STPG2: variants seen among roughly 807,000 people sequenced by gnomAD.
The protein encoded by STPG2 is sperm-tail PG-rich repeat-containing protein 2.
In STPG2, 56 loss-of-function variants were observed where a neutral mutation model predicts 54.2. That is an observed-to-expected ratio of 1.03 (90% CI 0.83 to 1.29). STPG2 has a LOEUF of 1.29. Among genes scored for constraint, STPG2 ranks in the 50% most tolerant of loss-of-function variants. STPG2 has a pLI of 0.00. For synonymous variants in STPG2, 200 were observed against 181.8 expected, an observed-to-expected ratio of 1.10 and a Z score of -0.81; for missense variants, 596 against 544.9, an observed-to-expected ratio of 1.09 and a Z score of -0.93.
chr4:97,522,466 CGAAAT>C (rs1440791691), intron 4 of STPG2, among the ~76,000 whole-genome samples: 1 of 151,654 alleles, frequency 6.6e-6, no homozygotes, highest in Non-Finnish European at 1.5e-5. Flanking sequence ...GGAATATGGT[CGAAAT>C]GAAATAATTT....
chr4:97,561,174 T>A (rs1732228147), intron 10 of STPG2, among the ~76,000 whole-genome samples: 1 of 152,068 alleles, frequency 6.6e-6, no homozygotes. Flanking sequence ...CTCATTGTGG[T>A]TTTGATTTGC....
At chr4:97,520,764 AAC>A (rs1731163821) in intron 4 of STPG2, among the ~76,000 whole-genome samples, 1 of 152,046 alleles carries the variant, frequency 6.6e-6, no homozygotes, top group Non-Finnish European at 1.5e-5. Flanking sequence ...ACTCACGAGA[AAC>A]ACAAATATTG....
intron 9 of STPG2, among the ~76,000 whole-genome samples, chr4:97,738,750 C>A (rs1185698340): frequency 2.6e-5 from 4 of 152,032 alleles, no homozygotes; most frequent in Non-Finnish European, 5.9e-5. Context: ...TAGACTCCCA[C>A]ACAATAATAA....
chr4:98,023,887 G>A (rs182533148), intron 5 of STPG2, among the ~76,000 whole-genome samples: 3,177 of 152,224 alleles, frequency 0.021, 41 homozygotes, highest in South Asian at 0.064. Context: ...TTGGAAAAGC[G>A]CAGTATTAGG....
At chr4:97,544,055 T>C (rs1399411197) in intron 4 of STPG2, among the ~76,000 whole-genome samples, 1 of 152,100 alleles carries the variant, frequency 6.6e-6, no homozygotes, top group Non-Finnish European at 1.5e-5. Flanking sequence ...TCATGGGAAG[T>C]TTAATTTAAA....
At chr4:98,080,112 T>C (rs1335305717) in intron 5 of STPG2, among the ~76,000 whole-genome samples, 3 of 151,974 alleles carry the variant, frequency 2.0e-5, no homozygotes, top group Non-Finnish European at 1.5e-5. Flanking sequence ...AAAAAGTAAA[T>C]ATATAAAATC....
At chr4:98,035,418 T>A (rs1461858066) in intron 5 of STPG2, among the ~76,000 whole-genome samples, 1 of 152,166 alleles carries the variant, frequency 6.6e-6, no homozygotes, top group Non-Finnish European at 1.5e-5. Context: ...TCATGCCAGT[T>A]AGAAAGGCGA....
intron 10 of STPG2, among the ~76,000 whole-genome samples, chr4:97,634,361 C>G (rs1340172898): frequency 6.6e-6 from 1 of 152,006 alleles, no homozygotes; most frequent in African/African-American, 2.4e-5. Context: ...TCATCAAAGA[C>G]CAAAAGTAGA....
chr4:97,567,399 G>T (rs927959479), intron 10 of STPG2, among the ~76,000 whole-genome samples: 110 of 149,654 alleles, frequency 7.4e-4, no homozygotes, highest in African/African-American at 2.7e-3. Flanking sequence ...CGAAATAGAG[G>T]AATTTAGCAA....
intron 5 of STPG2, among the ~76,000 whole-genome samples, chr4:98,031,801 C>G (rs1736608894): frequency 6.6e-6 from 1 of 152,072 alleles, no homozygotes; most frequent in African/African-American, 2.4e-5. Context: ...GGGAGAAAAT[C>G]TTCATACTCT....
At chr4:97,897,517 C>T (rs1731003664) in intron 8 of STPG2, among the ~76,000 whole-genome samples, 1 of 152,226 alleles carries the variant, frequency 6.6e-6, no homozygotes, top group Non-Finnish European at 1.5e-5. Flanking sequence ...ATTTACACTC[C>T]CACTAACAGT....
intron 4 of STPG2, among the ~76,000 whole-genome samples, chr4:97,520,644 G>A (rs1468548877): frequency 6.6e-6 from 1 of 151,980 alleles, no homozygotes; most frequent in African/African-American, 2.4e-5. Context: ...TACCCAACCT[G>A]CCAAGACAGT....
At chr4:97,644,720 T>C (rs1721862134) in intron 10 of STPG2, among the ~76,000 whole-genome samples, 1 of 152,002 alleles carries the variant, frequency 6.6e-6, no homozygotes, top group South Asian at 2.1e-4. Flanking sequence ...TGATGTTCAA[T>C]ATCCTTTCAT....
intron 10 of STPG2, among the ~76,000 whole-genome samples, chr4:97,634,180 G>A (rs931576081): frequency 6.6e-6 from 1 of 152,160 alleles, no homozygotes; most frequent in African/African-American, 2.4e-5. Context: ...GTGGGTCCCT[G>A]ACCCCTGACC....
Position 97,850,326 on chromosome 4 carries a change from A to ATAAAT in STPG2, c.1045-9395_1045-9394insATTTA, listed in dbSNP as rs1553918504. The stretch of plus-strand genomic sequence containing the variant: ...AATAAATAAATAAATAAATAAATAA[A>ATAAAT]GAAGTAGAGCACAGTAAAAAACTAA... On this transcript the variant is annotated intron_variant, in intron 8 of 10. Coordinates refer to ENST00000295268, the MANE Select transcript of STPG2 (RefSeq NM_174952.3). 4.3e-3 allele frequency among the ~76,000 whole-genome samples: 627 copies of ATAAAT among 146,850 alleles called. 9 individuals carry two copies. Among genetic ancestry groups the ATAAAT allele is most frequent in the Non-Finnish European group, 6.7e-3 (446 of 66,716 alleles).
At chr4:97,733,215 A>G (rs535573102) in intron 9 of STPG2, among the ~76,000 whole-genome samples, 2 of 152,298 alleles carry the variant, frequency 1.3e-5, no homozygotes, top group African/African-American at 4.8e-5. Context: ...ATGAGCAGCT[A>G]AAGAAAACGT....
intron 9 of STPG2, among the ~76,000 whole-genome samples, chr4:97,838,583 A>G (rs1039301722): frequency 1.3e-5 from 2 of 151,462 alleles, no homozygotes; most frequent in Non-Finnish European, 3.0e-5. Context: ...AGACTTGATA[A>G]TATCGCACTT....
intron 9 of STPG2, among the ~76,000 whole-genome samples, chr4:97,783,301 G>T (rs1209668493): frequency 6.6e-6 from 1 of 152,200 alleles, no homozygotes; most frequent in Non-Finnish European, 1.5e-5. Flanking sequence ...AGACATTTAT[G>T]CAGCCAACAG....
chr4:97,539,497 C>T (rs995520896), intron 4 of STPG2, among the ~76,000 whole-genome samples: 6 of 152,156 alleles, frequency 3.9e-5, no homozygotes, highest in East Asian at 1.9e-4. Context: ...ATCTAACTAT[C>T]GTAAATATTT....
Sources: allele counts gnomAD v4.1 joint callset (sites outside exome capture counted in the v4.1 genomes callset), GRCh38; gene constraint gnomAD v4.1.1; transcripts MANE v1.5; gene names NCBI Gene and HGNC (gene_info 2026-07-23, HGNC 2026-07-21).